SHROOM3: variants seen among roughly 807,000 people sequenced by gnomAD.
The protein encoded by SHROOM3 is shroom family member 3, also known as protein Shroom3.
A neutral mutation model predicts 138.6 loss-of-function variants in SHROOM3; 47 were observed. That is an observed-to-expected ratio of 0.34 (90% CI 0.27 to 0.43). The LOEUF (loss-of-function observed/expected upper bound fraction) is 0.43, where lower values mean the gene tolerates loss of function less well. SHROOM3 is among the 20% of genes least tolerant of loss of function. The pLI is 1.00. For synonymous variants in SHROOM3, 1,062 were observed against 1,063.3 expected, an observed-to-expected ratio of 1.00 and a Z score of 0.02; for missense variants, 2,491 against 2,596.5, an observed-to-expected ratio of 0.96 and a Z score of 0.88.
At chr4:76,701,410 G>T (rs4859708) in intron 2 of SHROOM3, among the ~76,000 whole-genome samples, 11 of 152,160 alleles carry the variant, frequency 7.2e-5, no homozygotes, top group African/African-American at 2.7e-4. Flanking sequence ...TGTGCCAGTC[G>T]TGTGGCTTAG....
At chr4:76,636,090 C>T (rs891679352) in intron 2 of SHROOM3, among the ~76,000 whole-genome samples, 7 of 152,214 alleles carry the variant, frequency 4.6e-5, no homozygotes, top group African/African-American at 9.7e-5. Flanking sequence ...TGCTTCTTCA[C>T]GTCTGAGTAC....
intron 1 of SHROOM3, among the ~76,000 whole-genome samples, chr4:76,444,489 T>C (rs1272254203): frequency 3.3e-5 from 4 of 121,406 alleles, no homozygotes; most frequent in African/African-American, 6.4e-5. Flanking sequence ...TCTTTCTTTT[T>C]TTTTTTTTTT....
At chr4:76,437,289 G>A (rs1263785013) in intron 1 of SHROOM3, among the ~76,000 whole-genome samples, 6 of 152,088 alleles carry the variant, frequency 3.9e-5, no homozygotes, top group Non-Finnish European at 7.4e-5. Flanking sequence ...GTGTCAGTTA[G>A]GAAGGCTTCC....
chr4:76,757,921 A>T (rs1342170868), intron 8 of SHROOM3: 1 of 152,250 alleles, frequency 6.6e-6, no homozygotes, highest in Non-Finnish European at 1.5e-5. Context: ...AAATAAAAAC[A>T]GAACATTTTA....
chr4:76,461,158 G>C (rs1020675259), intron 1 of SHROOM3, among the ~76,000 whole-genome samples: 2 of 152,056 alleles, frequency 1.3e-5, no homozygotes, highest in African/African-American at 4.8e-5. Flanking sequence ...CTTCAACATA[G>C]GAATTTTGGG....
In SHROOM3 at chr4:76,740,804, C is replaced by T. The variant is rs1036823166; in HGVS notation, c.2631C>T (p.Gly877=). The T allele has an allele frequency of 1.9e-6, 3 of 1,608,162 alleles. No homozygotes were observed. Among genetic ancestry groups the T allele is most frequent in the South Asian group, 2.2e-5 (2 of 90,728 alleles). The change falls in exon 5 of 11, where the codon GGC becomes GGT. Residue 877 remains glycine (G), a synonymous_variant. Coordinates refer to ENST00000296043, the MANE Select transcript of SHROOM3 (RefSeq NM_020859.4). This position sits in a 1 kb window ranked among gnomAD's most constrained non-coding sequence, Gnocchi z 4.0. ...LSGGASDSGR[G]PQRPDARLLR... is the part of the protein sequence containing the mutation. Reference sequence around the variant, plus strand: ...GAGGAGCGTCGGACAGCGGCCGTGGCCCCCAGAGGCCGGACGCTCGGCTCC... The same window carrying T: ...GAGGAGCGTCGGACAGCGGCCGTGGTCCCCAGAGGCCGGACGCTCGGCTCC...
At chr4:76,681,465 A>C (rs1279023050) in intron 2 of SHROOM3, among the ~76,000 whole-genome samples, 2 of 152,122 alleles carry the variant, frequency 1.3e-5, no homozygotes, top group Middle Eastern at 3.2e-3. Flanking sequence ...TAAAAAAAAA[A>C]AACTGACCAT....
rs560100694 is a variant in SHROOM3, at chr4:76,683,418, T to C, written c.324-26738T>C. Among the ~76,000 whole-genome samples, 52 of 152,286 alleles carry C rather than the reference T, an allele frequency of 3.4e-4. 1 individual carries two copies. The South Asian group carries it at 0.011, about 31-fold the overall frequency. On this transcript the variant is annotated intron_variant, in intron 2 of 10. Transcript: ENST00000296043. ...CATAGAAGTTTGCTTTTTCTCCTTA[T>C]AGTGTTTCTCCTGACCTCCTTCCTT...
At chr4:76,563,787 G>A (rs1444120655) in intron 2 of SHROOM3, among the ~76,000 whole-genome samples, 1 of 152,184 alleles carries the variant, frequency 6.6e-6, no homozygotes, top group Non-Finnish European at 1.5e-5. Context: ...GTGCATAAAA[G>A]TGTGGCTTCC....
intron 1 of SHROOM3, among the ~76,000 whole-genome samples, chr4:76,540,044 C>T (rs984375866): frequency 4.6e-5 from 7 of 152,198 alleles, no homozygotes; most frequent in Admixed American, 1.3e-4. Flanking sequence ...GACAGGGTTT[C>T]GCCATGTTGG....
At chr4:76,641,489 A>G (rs1230382034) in intron 2 of SHROOM3, among the ~76,000 whole-genome samples, 1 of 152,130 alleles carries the variant, frequency 6.6e-6, no homozygotes, top group Non-Finnish European at 1.5e-5. Flanking sequence ...TTTTACCCAG[A>G]TTGAATCAGG....
chr4:76,657,780 G>A (rs1356875952), intron 2 of SHROOM3, among the ~76,000 whole-genome samples: 1 of 152,220 alleles, frequency 6.6e-6, no homozygotes, highest in Non-Finnish European at 1.5e-5. Flanking sequence ...AGAACAAACT[G>A]TCTCCGGGCC....
intron 1 of SHROOM3, among the ~76,000 whole-genome samples, chr4:76,443,791 C>T (rs1204421099): frequency 2.6e-5 from 4 of 152,212 alleles, no homozygotes; most frequent in Non-Finnish European, 2.9e-5. Context: ...CCTGATTTGG[C>T]AGACCGATGT....
intron 10 of SHROOM3, among the ~76,000 whole-genome samples, chr4:76,776,920 T>C (rs1722588387): frequency 6.6e-6 from 1 of 152,212 alleles, no homozygotes; most frequent in Non-Finnish European, 1.5e-5. Flanking sequence ...TATTTGGCTT[T>C]ATTTCTGGGT....
At chr4:76,470,989 A>AG (rs1374082296) in intron 1 of SHROOM3, among the ~76,000 whole-genome samples, 4 of 152,096 alleles carry the variant, frequency 2.6e-5, no homozygotes, top group African/African-American at 9.7e-5. Context: ...TACAAAAATT[A>AG]GGGGGTGTGT....
intron 2 of SHROOM3, among the ~76,000 whole-genome samples, chr4:76,701,489 A>C (rs1183171245): frequency 2.6e-5 from 4 of 152,212 alleles, no homozygotes; most frequent in Non-Finnish European, 5.9e-5. Context: ...ATGGGGATAA[A>C]TAATACTTGC....
At chr4:76,511,552 T>C (rs1325921283) in intron 1 of SHROOM3, among the ~76,000 whole-genome samples, 1 of 152,174 alleles carries the variant, frequency 6.6e-6, no homozygotes, top group Admixed American at 6.5e-5. Flanking sequence ...AAAAATACCC[T>C]TCAAGTTTTC....
At chr4:76,575,904 A>T (rs1198932546) in intron 2 of SHROOM3, among the ~76,000 whole-genome samples, 1 of 152,234 alleles carries the variant, frequency 6.6e-6, no homozygotes, top group Non-Finnish European at 1.5e-5. Context: ...GCTCAACATC[A>T]TTGATTATTA....
intron 4 of SHROOM3, among the ~76,000 whole-genome samples, chr4:76,737,478 A>G (rs1721107664): frequency 2.6e-5 from 4 of 152,082 alleles, no homozygotes; most frequent in Admixed American, 2.0e-4. Context: ...TGGTAAGAGT[A>G]TGTTTAATTT....
Sources: allele counts gnomAD v4.1 joint callset (sites outside exome capture counted in the v4.1 genomes callset), GRCh38; gene constraint gnomAD v4.1.1; non-coding constraint Gnocchi (gnomAD v3.1); transcripts MANE v1.5; gene names NCBI Gene and HGNC (gene_info 2026-07-23, HGNC 2026-07-21).